Variants in POSTN observed in about 807,000 individuals in gnomAD.
POSTN encodes the protein periostin.
POSTN carries 71 observed loss-of-function variants against 104.5 expected under a neutral mutation model. That is an observed-to-expected ratio of 0.68 (90% CI 0.56 to 0.83). POSTN has a LOEUF of 0.83. Among genes scored for constraint, POSTN ranks in the 40% least tolerant of loss-of-function variants. The pLI is 0.00. For synonymous variants in POSTN, 355 were observed against 340.7 expected, an observed-to-expected ratio of 1.04 and a Z score of -0.46; for missense variants, 949 against 1,006.8, an observed-to-expected ratio of 0.94 and a Z score of 0.78.
intron 17 of POSTN, among the ~76,000 whole-genome samples, chr13:37,573,659 T>C (rs931915772): frequency 6.6e-6 from 1 of 151,518 alleles, no homozygotes; most frequent in African/African-American, 2.4e-5. Flanking sequence ...CCATCAAAGA[T>C]ATAATCTGTT....
At chr13:37,588,016 A>G (rs752398385) in intron 4 of POSTN, 30 bp from the exon 5 acceptor site, 9 of 1,528,742 alleles carry the variant, frequency 5.9e-6, no homozygotes, top group African/African-American at 4.1e-5. Context: ...TAGAAATTCA[A>G]TTTATTGTGG....
At chr13:37,585,072 T>A in intron 7 of POSTN, 144 bp from the exon 8 acceptor site, 1 of 1,390,584 alleles carries the variant, frequency 7.2e-7, no homozygotes, top group Non-Finnish European at 9.4e-7. Flanking sequence ...AAATCCTATT[T>A]ATGTTCTAAA....
intron 22 of POSTN, 119 bp downstream of exon 22, chr13:37,564,400 T>C (rs995048775): frequency 6.4e-6 from 4 of 625,538 alleles, no homozygotes; most frequent in Admixed American, 2.9e-5. Flanking sequence ...CTGGCTAGCT[T>C]TTCTCTCTGA....
chr13:37,574,742 G>C (rs1384458939), intron 16 of POSTN, 90 bp from the exon 17 acceptor site: 2 of 1,425,132 alleles, frequency 1.4e-6, no homozygotes, highest in Non-Finnish European at 1.8e-6. Flanking sequence ...TTTTGTCTCT[G>C]TAGGATACTA....
intron 20 of POSTN, 96 bp downstream of exon 20, chr13:37,569,648 A>T (rs1480563260): frequency 1.0e-6 from 1 of 991,572 alleles, no homozygotes; most frequent in East Asian, 2.4e-5. Flanking sequence ...TGAACAATAG[A>T]TTGAGATAGA....
intron 21 of POSTN, among the ~76,000 whole-genome samples, chr13:37,566,426 A>C (rs1197604317): frequency 6.6e-6 from 1 of 152,156 alleles, no homozygotes; most frequent in Non-Finnish European, 1.5e-5. Context: ...TGTTAATGTC[A>C]ATTGATGATT....
chr13:37,578,013 T>C lies in POSTN; in HGVS notation c.1963-215A>G, dbSNP rs1950465329. Among the ~76,000 whole-genome samples, 9 of 151,856 alleles carry C rather than the reference T, an allele frequency of 5.9e-5. No individual in the cohort carries two copies. The South Asian group carries it at 1.9e-3, about 31-fold the overall frequency. On this transcript the variant is annotated intron_variant, in intron 15 of 22. Transcript: ENST00000379747. ...TCATTACTCAGAGATTTAAAAATTA[T>C]ATAATAATTAATCCAAAGTTAAATA... is the stretch of plus-strand genomic sequence containing the variant.
intron 4 of POSTN, among the ~76,000 whole-genome samples, chr13:37,589,805 A>G (rs1449643415): frequency 6.6e-6 from 1 of 152,294 alleles, no homozygotes; most frequent in East Asian, 1.9e-4. Flanking sequence ...TTTTTATATC[A>G]GTTTTATAGA....
intron 11 of POSTN, 130 bp downstream of exon 11, chr13:37,580,431 G>A: frequency 1.9e-6 from 2 of 1,037,376 alleles, no homozygotes; most frequent in Non-Finnish European, 2.8e-6. Context: ...GAAAACACTT[G>A]TATGAACATT....
At chr13:37,570,829 A>G (rs1950240696) in intron 18 of POSTN, 160 bp from the exon 19 acceptor site, 2 of 566,740 alleles carry the variant, frequency 3.5e-6, no homozygotes, top group Admixed American at 3.0e-5. Flanking sequence ...AATCATATCA[A>G]TAGGGATCTA....
intron 8 of POSTN, among the ~76,000 whole-genome samples, 190 bp from the exon 9 acceptor site, chr13:37,584,293 A>G (rs992323685): frequency 2.6e-5 from 4 of 152,182 alleles, no homozygotes; most frequent in Admixed American, 2.6e-4. Flanking sequence ...GTTGATAATC[A>G]CGATAAATTT....
chr13:37,583,849 G>T (rs569993482), intron 9 of POSTN, 120 bp downstream of exon 9: 2 of 1,181,400 alleles, frequency 1.7e-6, no homozygotes, highest in African/African-American at 1.5e-5. Context: ...TGTATGTGTA[G>T]CCAATGCAGA....
At chr13:37,595,004 C>T (rs1484496506) in intron 2 of POSTN, among the ~76,000 whole-genome samples, 1 of 142,826 alleles carries the variant, frequency 7.0e-6, no homozygotes, top group Non-Finnish European at 1.5e-5. Context: ...GACACTGTTA[C>T]ATTTCTGGTT....
chr13:37,587,994 A>G lies in POSTN; in HGVS notation c.442-8T>C. 6.3e-7 allele frequency: 1 copy of G among 1,580,036 alleles called. No homozygotes were observed. The highest frequency in any genetic ancestry group is 8.6e-7 in the Non-Finnish European group (1 of 1,156,608). ...CAAACCTCTACGGATATCCTAGGAAAAATTGCAATGATAGAAATTCAATTT... is the reference window on the plus strand; with the variant it reads ...CAAACCTCTACGGATATCCTAGGAAGAATTGCAATGATAGAAATTCAATTT... On this transcript the variant is annotated splice_polypyrimidine_tract_variant and splice_region_variant and intron_variant, in intron 4 of 22. Transcript: ENST00000379747.
At position 37,580,637 on chromosome 13, in the gene POSTN, T is replaced by G; in HGVS notation, c.1453A>C (p.Ile485Leu). The G allele has an allele frequency of 6.2e-7, 1 of 1,614,046 alleles. No individual in the cohort carries two copies. The highest frequency in any genetic ancestry group is 8.5e-7 in the Non-Finnish European group (1 of 1,179,916). The change falls in exon 11 of 23, where the codon ATT (isoleucine) becomes CTT (leucine). Residue 485 changes from isoleucine to leucine, a missense_variant. Ile to Leu is a conservative substitution (Grantham distance 5). Transcript: ENST00000379747. Reference protein sequence around the residue: ...KGSKQGRNGAIHIFREIIKPA... With the variant: ...KGSKQGRNGALHIFREIIKPA... ...TTGATGATCTCGCGGAATATGTGAA[T>G]CGCACCGTTTCTCCCTTGCTTACTC...
chr13:37,568,073 T>G (rs1007399510), intron 21 of POSTN, among the ~76,000 whole-genome samples: 1 of 152,122 alleles, frequency 6.6e-6, no homozygotes, highest in African/African-American at 2.4e-5. Context: ...ATCCTTAGAT[T>G]TTTTTCCTAG....
intron 10 of POSTN, among the ~76,000 whole-genome samples, chr13:37,581,024 C>G (rs1205034893): frequency 1.3e-5 from 2 of 152,160 alleles, no homozygotes; most frequent in African/African-American, 4.8e-5. Flanking sequence ...TCTAGACCCT[C>G]TTTTGGCCAA....
Position 37,564,181 on chromosome 13 carries a change from CATATATATATATATATATATATAT to C in POSTN, c.2473+314_2473+337del, listed in dbSNP as rs71093693. On this transcript the variant is annotated intron_variant, in intron 22 of 22. Coordinates refer to ENST00000379747, the MANE Select transcript of POSTN (RefSeq NM_006475.3). The stretch of plus-strand genomic sequence containing the variant: ...GTATACTTGTATATACAAAACATTA[CATATATATATATATATATATATAT>C]ATATATATATATATATATATATATG... Among the ~76,000 whole-genome samples, 59 of 49,860 alleles carry C rather than the reference CATATATATATATATATATATATAT, an allele frequency of 1.2e-3. 1 individual carries two copies. The South Asian group carries it at 0.018, about 16-fold the overall frequency. The allele number at this position is 49,860 out of a possible 152,430, so 32.7% of individuals were successfully genotyped here. A position where few individuals can be genotyped will look rare whatever the true frequency, so the allele number is the denominator to read the frequency against.
intron 21 of POSTN, chr13:37,568,772 CTT>C (rs886202743): frequency 2.6e-5 from 4 of 151,396 alleles, no homozygotes; most frequent in African/African-American, 7.3e-5. Flanking sequence ...TGCAAAATAA[CTT>C]ATATCTACAG....
Sources: allele counts gnomAD v4.1 joint callset (sites outside exome capture counted in the v4.1 genomes callset), GRCh38; gene constraint gnomAD v4.1.1; transcripts MANE v1.5; gene names NCBI Gene and HGNC (gene_info 2026-07-23, HGNC 2026-07-21).